LOXL2: variants seen among roughly 807,000 people sequenced by gnomAD.
The protein encoded by LOXL2 is lysyl oxidase homolog 2.
Under a neutral mutation model 93.0 loss-of-function variants are expected in LOXL2, and 70 were observed. The ratio of observed to expected loss-of-function variants is 0.75; its 90% CI spans 0.62 to 0.92. LOXL2 has a LOEUF of 0.92. Among genes scored for constraint, LOXL2 ranks in the 40% least tolerant of loss-of-function variants. LOXL2 has a pLI of 0.00. For synonymous variants in LOXL2, 438 were observed against 413.2 expected, an observed-to-expected ratio of 1.06 and a Z score of -0.73; for missense variants, 973 against 1,054.9, an observed-to-expected ratio of 0.92 and a Z score of 1.08.
At chr8:23,361,591 C>T (rs1043191024) in intron 2 of LOXL2, among the ~76,000 whole-genome samples, 1 of 152,140 alleles carries the variant, frequency 6.6e-6, no homozygotes, top group Non-Finnish European at 1.5e-5. Flanking sequence ...GCCTGTAATC[C>T]CAGCACTTTT....
rs185788650 is a variant in LOXL2 at position 23,354,087 on chromosome 8, C to T, written c.531+6003G>A. Among the ~76,000 whole-genome samples the T allele has an allele frequency of 2.0e-5, 3 of 152,304 alleles. No homozygotes were observed. The East Asian group carries it at 5.8e-4, about 29-fold the overall frequency. On this transcript the variant is annotated intron_variant, in intron 3 of 13. Transcript: ENST00000389131. ...AAATTCCATCAGCCAGGCTCCAGGG[C>T]TTAGTGACTCATGCCTCTGGCATTC... is the stretch of plus-strand genomic sequence containing the variant.
Position 23,340,970 on chromosome 8 carries a change from CCCTTTGGTGCAG to C in LOXL2, c.743+10_743+21del, listed in dbSNP as rs778481049. On this transcript the variant is annotated intron_variant, in intron 4 of 13. Coordinates refer to ENST00000389131, the MANE Select transcript of LOXL2 (RefSeq NM_002318.3). ...GCAGGGCGGATACCCTCAAAGCCAC[CCCTTTGGTGCAG>C]TCCTCTTACTTGTACACTTTGGTAT... 1.1e-5 allele frequency: 17 copies of C among 1,601,002 alleles called. No homozygotes were observed. The African/African-American group carries it at 2.3e-4, about 21-fold the overall frequency.
chr8:23,298,773 G>A, intron 13 of LOXL2, 63 bp downstream of exon 13: 1 of 998,000 alleles, frequency 1.0e-6, no homozygotes, highest in Non-Finnish European at 1.6e-6. Flanking sequence ...AGCTGCCTCT[G>A]GGTCCTTGAG....
chr8:23,368,859 G>A (rs1486200027), intron 1 of LOXL2, among the ~76,000 whole-genome samples: 2 of 152,178 alleles, frequency 1.3e-5, no homozygotes, highest in African/African-American at 2.4e-5. Context: ...TGTCTCTTAG[G>A]AGCTGTGGCC....
chr8:23,333,672 C>T, intron 4 of LOXL2, 49 bp from the exon 5 acceptor site: 1 of 1,469,594 alleles, frequency 6.8e-7, no homozygotes, highest in Non-Finnish European at 9.4e-7. Context: ...TGACGCCTAC[C>T]CCGATTCCTT....
intron 1 of LOXL2, among the ~76,000 whole-genome samples, chr8:23,402,216 T>C (rs1800161088): frequency 1.3e-5 from 2 of 149,726 alleles, no homozygotes. Flanking sequence ...TGTGCGCATA[T>C]AAACACACAC....
chr8:23,340,690 G>A (rs1028516989), intron 4 of LOXL2, among the ~76,000 whole-genome samples: 5 of 152,172 alleles, frequency 3.3e-5, no homozygotes, highest in African/African-American at 1.2e-4. Flanking sequence ...CCCTGAGCTG[G>A]GGTTCTCTGG....
intron 1 of LOXL2, among the ~76,000 whole-genome samples, chr8:23,375,030 T>G (rs186021038): frequency 6.6e-6 from 1 of 152,248 alleles, no homozygotes; most frequent in Admixed American, 6.5e-5. Context: ...CATGCCTGTG[T>G]CCTGAATGGT....
intron 3 of LOXL2, among the ~76,000 whole-genome samples, chr8:23,349,164 T>C (rs557409003): frequency 6.6e-6 from 1 of 152,306 alleles, no homozygotes; most frequent in Admixed American, 6.5e-5. Context: ...CCCAGTCAGC[T>C]GTGCAAGGAG....
intron 3 of LOXL2, among the ~76,000 whole-genome samples, chr8:23,354,771 C>T (rs1211775278): frequency 6.6e-6 from 1 of 151,680 alleles, no homozygotes; most frequent in Non-Finnish European, 1.5e-5. Context: ...GGCATCTGAC[C>T]ACAATACTCC....
At chr8:23,366,744 G>A (rs1185623379) in intron 2 of LOXL2, among the ~76,000 whole-genome samples, 4 of 152,190 alleles carry the variant, frequency 2.6e-5, no homozygotes, top group African/African-American at 4.8e-5. Context: ...CAGCTCAGCC[G>A]GGCGGGAGGG....
At chr8:23,350,437 G>A (rs1455578677) in intron 3 of LOXL2, among the ~76,000 whole-genome samples, 1 of 152,098 alleles carries the variant, frequency 6.6e-6, no homozygotes, top group South Asian at 2.1e-4. Context: ...GGGCGTGGTG[G>A]CACGCACCTG....
At chr8:23,366,156 T>C (rs1051970419) in intron 2 of LOXL2, 4 of 152,170 alleles carry the variant, frequency 2.6e-5, no homozygotes, top group Non-Finnish European at 5.9e-5. Context: ...TGTTATAAAA[T>C]AATGAGCGTT....
At chr8:23,371,260 C>T (rs542669968) in intron 1 of LOXL2, 9 of 152,150 alleles carry the variant, frequency 5.9e-5, no homozygotes, top group African/African-American at 2.2e-4. Context: ...GCGAGTCTGT[C>T]ACCAGAATAC....
intron 8 of LOXL2, among the ~76,000 whole-genome samples, chr8:23,318,260 C>T (rs958356816): frequency 6.6e-6 from 1 of 151,958 alleles, no homozygotes; most frequent in African/African-American, 2.4e-5. Context: ...CTAGCTGCAA[C>T]ATCAATGCTT....
intron 6 of LOXL2, among the ~76,000 whole-genome samples, chr8:23,326,912 CAG>C (rs1448094676): frequency 6.6e-6 from 1 of 152,174 alleles, no homozygotes; most frequent in East Asian, 1.9e-4. Flanking sequence ...AGAACAGAGG[CAG>C]AGAGACATTC....
intron 3 of LOXL2, among the ~76,000 whole-genome samples, chr8:23,343,193 A>G (rs530561090): frequency 6.6e-6 from 1 of 152,326 alleles, no homozygotes; most frequent in South Asian, 2.1e-4. Context: ...CCAGCTTCAC[A>G]TGGATCCACA....
At chr8:23,336,082 T>C (rs1485422226) in intron 4 of LOXL2, 3 of 152,188 alleles carry the variant, frequency 2.0e-5, no homozygotes, top group African/African-American at 7.2e-5. Context: ...GCATGTTCCA[T>C]GACGCCCACA....
chr8:23,312,049 A>G (rs1803326322), intron 9 of LOXL2, among the ~76,000 whole-genome samples: 1 of 152,244 alleles, frequency 6.6e-6, no homozygotes, highest in African/African-American at 2.4e-5. Context: ...AGAAATCTAG[A>G]AGAAATGGAT....
Sources: gnomAD v4.1 joint callset for allele counts (sites outside exome capture counted in the v4.1 genomes callset) on GRCh38, gnomAD v4.1.1 for gene constraint, MANE v1.5 for transcripts, NCBI Gene and HGNC (gene_info 2026-07-23, HGNC 2026-07-21) for gene names.